Variants in WWOX observed in about 807,000 individuals in gnomAD.
WWOX encodes the protein WW domain-containing oxidoreductase.
WWOX carries 69 observed loss-of-function variants against 46.2 expected under a neutral mutation model. That is an observed-to-expected ratio of 1.49 (90% CI 1.23 to 1.82). The LOEUF is 1.82. Among genes scored for constraint, WWOX ranks in the 40% most tolerant of loss-of-function variants. The pLI, the probability that WWOX is intolerant of heterozygous loss-of-function variation, is 0.00. For missense variants in WWOX, 919 were observed against 542.6 expected, an observed-to-expected ratio of 1.69 and a Z score of -6.89; for synonymous variants, 359 against 202.6, an observed-to-expected ratio of 1.77 and a Z score of -6.56.
intron 5 of WWOX, chr16:78,166,811 C>A (rs36106424): frequency 0.067 from 10,145 of 152,268 alleles, 386 homozygotes; most frequent in Non-Finnish European, 0.093. Flanking sequence ...CACACCTAGG[C>A]CTCCCAAAGT....
chr16:78,869,256 G>T, intron 8 of WWOX, among the ~76,000 whole-genome samples: 1 of 152,100 alleles, frequency 6.6e-6, no homozygotes, highest in East Asian at 1.9e-4. Context: ...CTGTCACCCT[G>T]CTGGAAATGA....
chr16:78,457,760 A>G (rs2083853754), intron 8 of WWOX, among the ~76,000 whole-genome samples: 1 of 152,006 alleles, frequency 6.6e-6, no homozygotes, highest in Non-Finnish European at 1.5e-5. Flanking sequence ...CTAAAAATAC[A>G]AAAATTATAG....
rs146332140 is a variant in WWOX, at chr16:79,161,891, G to C, written c.1057-49717G>C. Among the ~76,000 whole-genome samples the C allele has an allele frequency of 7.2e-5, 11 of 152,294 alleles. No homozygotes were observed. The East Asian group carries it at 2.1e-3, about 29-fold the overall frequency. ...TGTCTTGGATTTGTTTCTTTGAGGGGAAATATGAGGCTTTAATTTTCCCTC... is the reference window on the plus strand; with the variant it reads ...TGTCTTGGATTTGTTTCTTTGAGGGCAAATATGAGGCTTTAATTTTCCCTC... On this transcript the variant is annotated intron_variant, in intron 8 of 8. Coordinates refer to ENST00000566780, the MANE Select transcript of WWOX (RefSeq NM_016373.4).
chr16:78,123,448 T>G (rs1475495802), intron 4 of WWOX: 15 of 25,520 alleles, frequency 5.9e-4, no homozygotes, highest in African/African-American at 2.2e-3. Flanking sequence ...TTGTTTTTTT[T>G]TTTTTTGTTT....
intron 8 of WWOX, chr16:79,016,071 A>C (rs891525595): frequency 7.2e-5 from 11 of 152,034 alleles, no homozygotes; most frequent in African/African-American, 1.9e-4. Flanking sequence ...AGTTACGGTT[A>C]CCTCTCTTTG....
At chr16:79,124,533 C>G (rs1175924727) in intron 8 of WWOX, among the ~76,000 whole-genome samples, 2 of 152,180 alleles carry the variant, frequency 1.3e-5, no homozygotes, top group Non-Finnish European at 2.9e-5. Context: ...CATTCTTGTT[C>G]AGATTCAGCA....
intron 5 of WWOX, among the ~76,000 whole-genome samples, chr16:78,172,616 G>A (rs2035200988): frequency 1.4e-5 from 2 of 145,236 alleles, no homozygotes; most frequent in Admixed American, 1.4e-4. Flanking sequence ...CCTGGCCACC[G>A]CTCGCAGTCT....
At chr16:78,215,021 G>A (rs1479096423) in intron 5 of WWOX, among the ~76,000 whole-genome samples, 1 of 152,156 alleles carries the variant, frequency 6.6e-6, no homozygotes, top group African/African-American at 2.4e-5. Context: ...GCCAATATGG[G>A]CCAAAGTTCA....
At chr16:78,891,664 C>T (rs1287875818) in intron 8 of WWOX, 1 of 152,182 alleles carries the variant, frequency 6.6e-6, no homozygotes, top group African/African-American at 2.4e-5. Context: ...TATTGCCCGT[C>T]ATTAGCAGCT....
chr16:78,690,192 C>G (rs893886338), intron 8 of WWOX, among the ~76,000 whole-genome samples: 1 of 152,128 alleles, frequency 6.6e-6, no homozygotes, highest in Non-Finnish European at 1.5e-5. Flanking sequence ...CCCCTCCACA[C>G]TGCCAACTTT....
At chr16:79,037,479 A>T (rs1038657261) in intron 8 of WWOX, among the ~76,000 whole-genome samples, 1 of 151,988 alleles carries the variant, frequency 6.6e-6, no homozygotes, top group Non-Finnish European at 1.5e-5. Flanking sequence ...TGTGGAAAGG[A>T]AGTTGTCATA....
At chr16:78,866,384 G>A (rs1400920069) in intron 8 of WWOX, among the ~76,000 whole-genome samples, 3 of 152,034 alleles carry the variant, frequency 2.0e-5, no homozygotes, top group East Asian at 1.9e-4. Flanking sequence ...CCTCATTAAA[G>A]GAGAGCTGTA....
intron 5 of WWOX, among the ~76,000 whole-genome samples, chr16:78,247,883 G>A (rs2037861357): frequency 6.6e-6 from 1 of 152,218 alleles, no homozygotes; most frequent in Non-Finnish European, 1.5e-5. Context: ...CCAACTGCAG[G>A]TGGAGCCTTG....
chr16:78,671,241 G>A (rs1245885193), intron 8 of WWOX, among the ~76,000 whole-genome samples: 12 of 152,070 alleles, frequency 7.9e-5, no homozygotes, highest in Non-Finnish European at 1.6e-4. Context: ...TGGGCAACAA[G>A]GCGAGACCCC....
At chr16:78,701,959 A>T (rs938859997) in intron 8 of WWOX, among the ~76,000 whole-genome samples, 1 of 142,678 alleles carries the variant, frequency 7.0e-6, no homozygotes, top group African/African-American at 2.6e-5. Flanking sequence ...CCGAGATGGG[A>T]GGATCATTTG....
chr16:79,063,682 G>A (rs1052688226), intron 8 of WWOX, among the ~76,000 whole-genome samples: 7 of 152,096 alleles, frequency 4.6e-5, no homozygotes, highest in African/African-American at 1.2e-4. Flanking sequence ...TTGGATTGAC[G>A]TGCCAGCACC....
At chr16:79,109,706 A>G (rs1033432534) in intron 8 of WWOX, among the ~76,000 whole-genome samples, 3 of 152,206 alleles carry the variant, frequency 2.0e-5, no homozygotes, top group African/African-American at 4.8e-5. Context: ...TATGATATTC[A>G]TAGAACAACT....
At chr16:79,084,881 G>A (rs1304860659) in intron 8 of WWOX, among the ~76,000 whole-genome samples, 5 of 152,142 alleles carry the variant, frequency 3.3e-5, no homozygotes, top group Non-Finnish European at 7.4e-5. Flanking sequence ...ATATTTTACA[G>A]ACACGGTCAC....
At chr16:78,692,336 A>C (rs2048008469) in intron 8 of WWOX, among the ~76,000 whole-genome samples, 2 of 152,204 alleles carry the variant, frequency 1.3e-5, no homozygotes, top group South Asian at 4.1e-4. Context: ...AAAGGACTTA[A>C]AGAAACCATA....
Sources: gnomAD v4.1 joint callset for allele counts (sites outside exome capture counted in the v4.1 genomes callset) on GRCh38, gnomAD v4.1.1 for gene constraint, MANE v1.5 for transcripts, NCBI Gene and HGNC (gene_info 2026-07-23, HGNC 2026-07-21) for gene names.